The following PLPP1 variants were observed in gnomAD, a reference collection of about 807,000 sequenced individuals.
PLPP1 encodes lipid phosphate phosphohydrolase 1a.
PLPP1 carries 24 observed loss-of-function variants against 31.2 expected under a neutral mutation model. The ratio of observed to expected loss-of-function variants is 0.77; its 90% CI spans 0.56 to 1.08. The LOEUF is 1.08. Among genes scored for constraint, PLPP1 ranks in the 50% least tolerant of loss-of-function variants. The pLI, the probability that PLPP1 is intolerant of heterozygous loss-of-function variation, is 0.00. For missense variants in PLPP1, 319 were observed against 342.7 expected (o/e 0.93, Z 0.55); for synonymous variants, 146 against 126.3 (o/e 1.16, Z -1.05).
chr5:55,473,990 G>GTT (rs759796516), intron 2 of PLPP1, among the ~76,000 whole-genome samples: 166 of 27,326 alleles, frequency 6.1e-3, no homozygotes, highest in African/African-American at 0.014. Context: ...TTTTTTGTTT[G>GTT]TTTGTTGTTT....
chr5:55,508,897 T>C (rs1429953537), intron 1 of PLPP1: 2 of 154,110 alleles, frequency 1.3e-5, no homozygotes, highest in African/African-American at 2.4e-5. Flanking sequence ...TGGGTACCAT[T>C]TAGAAGATTT....
At chr5:55,425,744 G>A in intron 5 of PLPP1, 119 bp downstream of exon 5, 1 of 925,084 alleles carries the variant, frequency 1.1e-6, no homozygotes, top group Non-Finnish European at 1.6e-6. Context: ...ATAACATTGA[G>A]ATTCTTGCCC....
intron 1 of PLPP1, among the ~76,000 whole-genome samples, chr5:55,502,434 C>T (rs190330348): frequency 6.6e-6 from 1 of 151,768 alleles, no homozygotes; most frequent in Admixed American, 6.6e-5. Flanking sequence ...TTGCAGTGAG[C>T]CGAGATCGTG....
intron 3 of PLPP1, among the ~76,000 whole-genome samples, chr5:55,458,914 A>AAAAAAC: frequency 6.7e-6 from 1 of 148,974 alleles, no homozygotes; most frequent in Non-Finnish European, 1.5e-5. Context: ...AAAAAAAAAA[A>AAAAAAC]AACACATAGC....
At chr5:55,533,348 A>T (rs1420800294) in intron 1 of PLPP1, among the ~76,000 whole-genome samples, 2 of 151,018 alleles carry the variant, frequency 1.3e-5, no homozygotes, top group South Asian at 2.1e-4. Context: ...CCGCCACTGC[A>T]CTCCAGCCTG....
intron 1 of PLPP1, among the ~76,000 whole-genome samples, chr5:55,489,199 A>G (rs1752836396): frequency 6.6e-6 from 1 of 152,194 alleles, no homozygotes. Flanking sequence ...ACTCCATCTC[A>G]AAAATATATA....
At position 55,427,749 on chromosome 5, in the gene PLPP1, T is replaced by TAATC. The variant is rs552559292; in HGVS notation, c.550-1714_550-1711dup. ...ATTAACATTTACTTAACATTATCAATAATCAACTAAGCTCCAACACTTTTT... is the reference window on the plus strand; with the variant it reads ...ATTAACATTTACTTAACATTATCAATAATCAATCAACTAAGCTCCAACACTTTTT... On this transcript the variant is annotated intron_variant, in intron 4 of 5. Transcript: ENST00000307259. Among the ~76,000 whole-genome samples the TAATC allele has an allele frequency of 8.4e-4, 114 of 135,506 alleles. No homozygotes were observed. In the Middle Eastern group the frequency reaches 0.012, roughly 14 times the overall value. 88.9% of individuals were successfully genotyped at this position (135,506 alleles called of 152,430 possible). A position where few individuals can be genotyped will look rare whatever the true frequency, so the allele number is the denominator to read the frequency against.
intron 3 of PLPP1, among the ~76,000 whole-genome samples, chr5:55,448,951 G>A (rs1751831842): frequency 6.6e-6 from 1 of 152,150 alleles, no homozygotes; most frequent in Admixed American, 6.5e-5. Context: ...CAACGTAAAT[G>A]CTATGTAAAT....
intron 4 of PLPP1, among the ~76,000 whole-genome samples, chr5:55,428,397 A>G (rs908002561): frequency 1.3e-5 from 2 of 152,234 alleles, no homozygotes; most frequent in Admixed American, 6.5e-5. Context: ...AGCTCAAGAA[A>G]GTGGACACCC....
intron 4 of PLPP1, among the ~76,000 whole-genome samples, chr5:55,433,519 T>TTTTTTTTTTTTTTTTTTGA: frequency 8.2e-6 from 1 of 121,872 alleles, no homozygotes; most frequent in Non-Finnish European, 1.8e-5. Context: ...TTTTTTTTTT[T>TTTTTTTTTTTTTTTTTTGA]GACCGAGTCT....
chr5:55,507,046 C>T (rs1347456282), intron 1 of PLPP1, among the ~76,000 whole-genome samples: 1 of 152,160 alleles, frequency 6.6e-6, no homozygotes, highest in African/African-American at 2.4e-5. Context: ...ATGAAAAATT[C>T]TCCTACTAAT....
At chr5:55,455,415 A>G (rs1751984743) in intron 3 of PLPP1, among the ~76,000 whole-genome samples, 1 of 152,100 alleles carries the variant, frequency 6.6e-6, no homozygotes, top group South Asian at 2.1e-4. Flanking sequence ...AACATGGTGA[A>G]ACCCTGTCTC....
At chr5:55,499,648 CCTCA>C (rs1160652250) in intron 1 of PLPP1, among the ~76,000 whole-genome samples, 3 of 151,086 alleles carry the variant, frequency 2.0e-5, no homozygotes, top group Non-Finnish European at 4.4e-5. Flanking sequence ...CTCCATGAGT[CCTCA>C]GACTGTGAGT....
intron 3 of PLPP1, among the ~76,000 whole-genome samples, chr5:55,465,518 C>CACACA (rs1168560207): frequency 6.6e-6 from 1 of 152,052 alleles, no homozygotes; most frequent in Non-Finnish European, 1.5e-5. Flanking sequence ...TGTCTTCGGC[C>CACACA]ACACATAAAA....
intron 1 of PLPP1, among the ~76,000 whole-genome samples, chr5:55,513,761 A>T (rs1225905769): frequency 6.6e-6 from 1 of 152,174 alleles, no homozygotes; most frequent in African/African-American, 2.4e-5. Context: ...CCAGGACTCG[A>T]CAAAAATTTT....
intron 1 of PLPP1, among the ~76,000 whole-genome samples, chr5:55,504,025 A>C: frequency 6.6e-6 from 1 of 151,946 alleles, no homozygotes; most frequent in East Asian, 1.9e-4. Context: ...CTGTCATCTC[A>C]GCACTTTGAG....
chr5:55,459,225 T>G (rs1235483769), intron 3 of PLPP1, among the ~76,000 whole-genome samples: 1 of 147,328 alleles, frequency 6.8e-6, no homozygotes, highest in Non-Finnish European at 1.5e-5. Context: ...AAAGGAGCAA[T>G]ACAGCAGAAA....
chr5:55,435,547 A>G (rs1487590185), intron 4 of PLPP1, among the ~76,000 whole-genome samples: 1 of 152,210 alleles, frequency 6.6e-6, no homozygotes, highest in Non-Finnish European at 1.5e-5. Context: ...GGCTATCCTG[A>G]TATACATCAA....
At chr5:55,435,655 G>A (rs1412294649) in intron 4 of PLPP1, among the ~76,000 whole-genome samples, 1 of 152,166 alleles carries the variant, frequency 6.6e-6, no homozygotes, top group East Asian at 1.9e-4. Context: ...GAAAGGAAGA[G>A]ACATGGGTTT....
Sources: gnomAD v4.1 joint callset for allele counts (sites outside exome capture counted in the v4.1 genomes callset) on GRCh38, gnomAD v4.1.1 for gene constraint, MANE v1.5 for transcripts, NCBI Gene and HGNC (gene_info 2026-07-23, HGNC 2026-07-21) for gene names.